The following CLEC5A variants were observed in gnomAD, a reference collection of about 807,000 sequenced individuals.
The protein encoded by CLEC5A is C-type lectin domain family 5 member A.
In CLEC5A, 15 loss-of-function variants were observed where a neutral mutation model predicts 24.4. That is an observed-to-expected ratio of 0.62 (90% CI 0.41 to 0.95). The LOEUF (loss-of-function observed/expected upper bound fraction) is 0.95, where lower values mean the gene tolerates loss of function less well. CLEC5A is among the 40% of genes least tolerant of loss of function. The pLI is 0.00. For synonymous variants in CLEC5A, 71 were observed against 72.6 expected (o/e 0.98, Z 0.11); for missense variants, 211 against 224.0 (o/e 0.94, Z 0.37).
chr7:141,942,794 G>C (rs1802836736), intron 4 of CLEC5A, among the ~76,000 whole-genome samples: 1 of 152,104 alleles, frequency 6.6e-6, no homozygotes, highest in Admixed American at 6.6e-5. Context: ...CTCCAAAGAA[G>C]TTGTACAAAT....
Position 141,929,907 on chromosome 7 carries a change from G to A in CLEC5A, c.*197C>T. 1.8e-6 allele frequency: 1 copy of A among 558,592 alleles called. No individual in the cohort carries two copies. Among genetic ancestry groups the A allele is most frequent in the South Asian group, 2.1e-5 (1 of 47,518 alleles). The allele number at this position is 558,592 out of a possible 1,614,324, so 34.6% of individuals were successfully genotyped here. ...ACCTCATCTCTATACTAACTGAGTT[G>A]TTTCCGTAAAACTGATCCTGTCTCC... On this transcript the variant is annotated 3_prime_UTR_variant, in exon 7 of 7. Transcript: ENST00000546910.
intron 6 of CLEC5A, 70 bp downstream of exon 6, chr7:141,931,650 C>T (rs782813264): frequency 2.4e-6 from 2 of 846,226 alleles, no homozygotes; most frequent in Non-Finnish European, 4.2e-6. Flanking sequence ...CCAGGGTGAA[C>T]CCAGCAATCT....
Position 141,930,247 on chromosome 7 carries a change from C to T in CLEC5A, c.453-29G>A, listed in dbSNP as rs1453494273. On this transcript the variant is annotated intron_variant, in intron 6 of 6. Coordinates refer to ENST00000546910, the MANE Select transcript of CLEC5A (RefSeq NM_013252.3). The stretch of plus-strand genomic sequence containing the variant: ...AATGAGAAAACAAAACAAAACAAAA[C>T]AAACAAACAAAAAACAAAGCATGGT... 9 of 1,548,098 alleles carry T rather than the reference C, an allele frequency of 5.8e-6. No homozygotes were observed. The East Asian group carries it at 2.0e-4, about 35-fold the overall frequency.
intron 2 of CLEC5A, 194 bp downstream of exon 2, chr7:141,946,020 A>G (rs1554442099): frequency 3.4e-6 from 2 of 593,894 alleles, no homozygotes; most frequent in East Asian, 2.8e-5. Context: ...TCTCCAAGGT[A>G]GACCAAGGAG....
At chr7:141,945,601 T>C (rs573751148) in intron 2 of CLEC5A, among the ~76,000 whole-genome samples, 2 of 152,280 alleles carry the variant, frequency 1.3e-5, no homozygotes, top group South Asian at 2.1e-4. Context: ...TCTGACATGA[T>C]AGGAATTGCA....
intron 3 of CLEC5A, among the ~76,000 whole-genome samples, chr7:141,944,582 C>T (rs1295576312): frequency 6.6e-6 from 1 of 152,066 alleles, no homozygotes; most frequent in East Asian, 1.9e-4. Flanking sequence ...TCTAGAAATC[C>T]ATATAGGGGC....
chr7:141,931,433 A>G, intron 6 of CLEC5A: 1 of 485,140 alleles, frequency 2.1e-6, no homozygotes, highest in Non-Finnish European at 3.6e-6. Flanking sequence ...GAGAGCTACA[A>G]GATACATCAA....
intron 4 of CLEC5A, among the ~76,000 whole-genome samples, chr7:141,940,470 C>A (rs1285973): frequency 0.9 from 135,598 of 151,500 alleles, 61,436 homozygotes; most frequent in Non-Finnish European, 0.97. Flanking sequence ...TCAAAAAAAA[C>A]CAAGAAAAAA....
At chr7:141,932,814 A>G (rs546484668) in intron 5 of CLEC5A, among the ~76,000 whole-genome samples, 3 of 152,358 alleles carry the variant, frequency 2.0e-5, no homozygotes, top group South Asian at 4.1e-4. Context: ...CATTGTTTAC[A>G]CATTATCTAC....
chr7:141,940,427 T>C (rs1802751081), intron 4 of CLEC5A, among the ~76,000 whole-genome samples: 2 of 151,254 alleles, frequency 1.3e-5, no homozygotes, highest in African/African-American at 4.8e-5. Flanking sequence ...TGTAGGATAT[T>C]AAGACGGAAG....
chr7:141,935,768 G>C, intron 5 of CLEC5A, 46 bp downstream of exon 5: 1 of 1,587,364 alleles, frequency 6.3e-7, no homozygotes, highest in Non-Finnish European at 8.6e-7. Context: ...ACCCACTGAG[G>C]CTGTGTGGAG....
intron 4 of CLEC5A, among the ~76,000 whole-genome samples, chr7:141,940,856 A>G (rs1422350754): frequency 1.3e-5 from 2 of 152,092 alleles, no homozygotes; most frequent in Admixed American, 6.6e-5. Context: ...CTAGGCACAT[A>G]CAACCTACCA....
intron 4 of CLEC5A, among the ~76,000 whole-genome samples, chr7:141,936,781 CAA>C (rs1317528374): frequency 2.0e-5 from 3 of 152,054 alleles, no homozygotes; most frequent in Non-Finnish European, 2.9e-5. Context: ...CTTGCAGCTC[CAA>C]AAGAGACCCT....
rs368180258 is a variant in CLEC5A at position 141,935,962 on chromosome 7, C to G, written c.209-12G>C. The G allele has an allele frequency of 6.2e-7, 1 of 1,610,852 alleles. No individual in the cohort carries two copies. The highest frequency in any genetic ancestry group is 8.5e-7 in the Non-Finnish European group (1 of 1,177,320). On this transcript the variant is annotated splice_polypyrimidine_tract_variant and intron_variant, in intron 4 of 6. Transcript: ENST00000546910. Reference sequence around the variant, plus strand: ...GTCTTTGGGGCAGACTGAAGAGGTCCAAGAAAGGAGAGTACGAGTTTACTG... The same window carrying G: ...GTCTTTGGGGCAGACTGAAGAGGTCGAAGAAAGGAGAGTACGAGTTTACTG...
Position 141,931,802 on chromosome 7 carries a change from C to T in CLEC5A, c.370G>A (p.Ala124Thr). The T allele has an allele frequency of 6.3e-7, 1 of 1,599,930 alleles. No homozygotes were observed. Among genetic ancestry groups the T allele is most frequent in the Non-Finnish European group, 8.6e-7 (1 of 1,168,212 alleles). Reference sequence around the variant, plus strand: ...ATTAAGCCAATAAAATACTTCTCAGCATCAGTTATGTCCTGAAGAAACTTC... The same window carrying T: ...ATTAAGCCAATAAAATACTTCTCAGTATCAGTTATGTCCTGAAGAAACTTC... Reference protein sequence around the residue: ...KLKFLQDITDAEKYFIGLIYH... With the variant: ...KLKFLQDITDTEKYFIGLIYH... The change falls in exon 6 of 7, where the codon GCT (alanine) becomes ACT (threonine). Residue 124 changes from alanine to threonine, a missense_variant. Coordinates refer to ENST00000546910, the MANE Select transcript of CLEC5A (RefSeq NM_013252.3).
intron 1 of CLEC5A, 77 bp from the exon 2 acceptor site, chr7:141,946,389 G>C (rs181041013): frequency 7.6e-7 from 1 of 1,324,342 alleles, no homozygotes; most frequent in Non-Finnish European, 1.0e-6. Context: ...CCAGCCTCTC[G>C]CTCAGAGTAC....
intron 5 of CLEC5A, among the ~76,000 whole-genome samples, chr7:141,934,714 C>T (rs1252136716): frequency 6.7e-6 from 1 of 149,898 alleles, no homozygotes; most frequent in African/African-American, 2.5e-5. Context: ...CAGCCTCCGC[C>T]TCCTGGATTC....
At chr7:141,943,156 A>G (rs1352734019) in intron 4 of CLEC5A, among the ~76,000 whole-genome samples, 1 of 152,216 alleles carries the variant, frequency 6.6e-6, no homozygotes, top group Non-Finnish European at 1.5e-5. Flanking sequence ...CACAATAGCC[A>G]AGATTTGGAA....
intron 4 of CLEC5A, among the ~76,000 whole-genome samples, chr7:141,939,592 T>C (rs1273353145): frequency 6.6e-6 from 1 of 152,026 alleles, no homozygotes; most frequent in Non-Finnish European, 1.5e-5. Context: ...TTATTAATAA[T>C]AATATTGAAT....
Sources: gnomAD v4.1 joint callset for allele counts (sites outside exome capture counted in the v4.1 genomes callset) on GRCh38, gnomAD v4.1.1 for gene constraint, MANE v1.5 for transcripts, NCBI Gene and HGNC (gene_info 2026-07-23, HGNC 2026-07-21) for gene names.